PAPSS2: variants seen among roughly 807,000 people sequenced by gnomAD.
PAPSS2 encodes the protein bifunctional 3'-phosphoadenosine 5'-phosphosulfate synthase 2.
Under a neutral mutation model 66.5 loss-of-function variants are expected in PAPSS2, and 61 were observed. The observed-to-expected ratio is 0.92, with a 90% CI of 0.75 to 1.14. PAPSS2 has a LOEUF of 1.14. Ranked by LOEUF, PAPSS2 falls within the 50% of genes most tolerant of loss-of-function variation. The pLI is 0.00. For missense variants in PAPSS2, 708 were observed against 789.6 expected, an observed-to-expected ratio of 0.90 and a Z score of 1.24; for synonymous variants, 289 against 287.5, an observed-to-expected ratio of 1.01 and a Z score of -0.05.
intron 1 of PAPSS2, among the ~76,000 whole-genome samples, 191 bp downstream of exon 1, chr10:87,660,199 C>T (rs914855666): frequency 2.0e-5 from 3 of 152,154 alleles, no homozygotes; most frequent in African/African-American, 4.8e-5. Flanking sequence ...CCTCGCCCCG[C>T]AGCCCCTCTC....
intron 1 of PAPSS2, among the ~76,000 whole-genome samples, chr10:87,687,900 A>T (rs1853108493): frequency 6.6e-6 from 1 of 152,236 alleles, no homozygotes; most frequent in Non-Finnish European, 1.5e-5. Context: ...CCATAGTTTT[A>T]TCTGGATTTG....
Position 87,741,313 on chromosome 10 carries a change from G to A in PAPSS2, c.1165G>A (p.Asp389Asn). ...LEKIRWNDGLDQYRLTPLELK... is the reference protein window; with the variant it reads ...LEKIRWNDGLNQYRLTPLELK... ...GAAAATAAGATGGAATGATGGGCTG[G>A]ACCAATACCGTCTGACACCTCTGGA... Residue 389 changes from aspartate (D) to asparagine (N), a missense_variant, in exon 10 of 13, where the codon GAC becomes AAC. Transcript: ENST00000456849. 4 of 1,613,754 alleles carry A rather than the reference G, an allele frequency of 2.5e-6. No individual in the cohort carries two copies. The highest frequency in any genetic ancestry group is 3.4e-6 in the Non-Finnish European group (4 of 1,179,642).
intron 3 of PAPSS2, 24 bp downstream of exon 3, chr10:87,713,334 A>G (rs987136270): frequency 1.1e-5 from 13 of 1,180,854 alleles, no homozygotes; most frequent in Middle Eastern, 2.3e-4. Flanking sequence ...AAAAAAAAAA[A>G]GGCACTACAC....
At chr10:87,665,773 G>A (rs993058961) in intron 1 of PAPSS2, among the ~76,000 whole-genome samples, 1 of 152,002 alleles carries the variant, frequency 6.6e-6, no homozygotes, top group African/African-American at 2.4e-5. Flanking sequence ...TGGGTTCTGG[G>A]CTTTAATTTC....
chr10:87,737,069 G>C (rs897674985), intron 9 of PAPSS2, among the ~76,000 whole-genome samples: 1 of 152,096 alleles, frequency 6.6e-6, no homozygotes. Context: ...GAGTTGATTG[G>C]GCAGGAAATT....
chr10:87,661,497 CT>C, intron 1 of PAPSS2, among the ~76,000 whole-genome samples: 1 of 152,306 alleles, frequency 6.6e-6, no homozygotes, highest in Non-Finnish European at 1.5e-5. Flanking sequence ...GTGCCAGTAG[CT>C]TTTTATATCA....
chr10:87,743,718 C>T (rs975809002), intron 11 of PAPSS2, 77 bp downstream of exon 11: 3 of 1,519,450 alleles, frequency 2.0e-6, no homozygotes, highest in Non-Finnish European at 2.7e-6. Flanking sequence ...AAATGAGTCT[C>T]TGGGATCCTT....
intron 1 of PAPSS2, among the ~76,000 whole-genome samples, chr10:87,666,097 G>A (rs1852813440): frequency 6.6e-6 from 1 of 151,712 alleles, no homozygotes; most frequent in Non-Finnish European, 1.5e-5. Context: ...CCTAGTAGCT[G>A]GGGTTACAGG....
At chr10:87,698,340 T>G (rs1363361668) in intron 1 of PAPSS2, among the ~76,000 whole-genome samples, 1 of 152,196 alleles carries the variant, frequency 6.6e-6, no homozygotes, top group Non-Finnish European at 1.5e-5. Context: ...AATTCTACTA[T>G]AGCTTTTTTT....
At chr10:87,733,927 G>C (rs908234502) in intron 9 of PAPSS2, among the ~76,000 whole-genome samples, 1 of 151,544 alleles carries the variant, frequency 6.6e-6, no homozygotes, top group Admixed American at 6.6e-5. Flanking sequence ...TGCCATTCTT[G>C]CTTCTCTCTT....
chr10:87,709,325 TC>T lies in PAPSS2; in HGVS notation c.145+13del. On this transcript the variant is annotated intron_variant, in intron 2 of 12. Coordinates refer to ENST00000456849, the MANE Select transcript of PAPSS2 (RefSeq NM_001015880.2). ...CGTGTGGCTAACAGGTATGTCATGTTCATATATATATATATATATACAAATT... is the reference window on the plus strand; with the variant it reads ...CGTGTGGCTAACAGGTATGTCATGTTATATATATATATATATATACAAATT... The T allele has an allele frequency of 3.7e-6, 5 of 1,361,748 alleles. No homozygotes were observed. Among genetic ancestry groups the T allele is most frequent in the South Asian group, 2.4e-5 (2 of 84,978 alleles). The allele number at this position is 1,361,748 out of a possible 1,614,324, so 84.4% of individuals were successfully genotyped here.
At chr10:87,690,771 T>G (rs1853162609) in intron 1 of PAPSS2, among the ~76,000 whole-genome samples, 1 of 152,198 alleles carries the variant, frequency 6.6e-6, no homozygotes, top group South Asian at 2.1e-4. Context: ...CCAGACCCTG[T>G]GCTTTTATGT....
At chr10:87,703,849 G>A (rs1404230129) in intron 1 of PAPSS2, 2 of 517,188 alleles carry the variant, frequency 3.9e-6, no homozygotes, top group Non-Finnish European at 7.7e-6. Flanking sequence ...TTCCTGATAA[G>A]GGGCAGAGTT....
At chr10:87,727,165 T>G in intron 8 of PAPSS2, 119 bp from the exon 9 acceptor site, 1 of 830,816 alleles carries the variant, frequency 1.2e-6, no homozygotes, top group Non-Finnish European at 2.0e-6. Context: ...TACTTGGATT[T>G]GGGTCTTAAT....
intron 7 of PAPSS2, among the ~76,000 whole-genome samples, chr10:87,718,038 T>G (rs1312466027): frequency 6.6e-6 from 1 of 150,780 alleles, no homozygotes; most frequent in African/African-American, 2.4e-5. Context: ...TTTCTTTTCT[T>G]TTTTTTCTTT....
chr10:87,712,618 G>C (rs182379938), intron 2 of PAPSS2, among the ~76,000 whole-genome samples: 18 of 152,146 alleles, frequency 1.2e-4, no homozygotes, highest in Non-Finnish European at 1.8e-4. Context: ...ACCACACCCG[G>C]CTAATTTTTT....
At chr10:87,719,720 G>GC (rs1853572410) in intron 7 of PAPSS2, among the ~76,000 whole-genome samples, 2 of 152,082 alleles carry the variant, frequency 1.3e-5, no homozygotes, top group Non-Finnish European at 2.9e-5. Flanking sequence ...TACACTGAGT[G>GC]CCCCCCATGT....
At chr10:87,678,704 A>G (rs1436869551) in intron 1 of PAPSS2, among the ~76,000 whole-genome samples, 1 of 152,216 alleles carries the variant, frequency 6.6e-6, no homozygotes, top group African/African-American at 2.4e-5. Flanking sequence ...ACTAATTGTC[A>G]GGAAAATTCA....
chr10:87,661,131 G>T, intron 1 of PAPSS2: 1 of 374,980 alleles, frequency 2.7e-6, no homozygotes, highest in South Asian at 1.7e-5. Flanking sequence ...TGGTGGGCCG[G>T]GGAGAGGTTT....
Sources: gnomAD v4.1 joint callset for allele counts (sites outside exome capture counted in the v4.1 genomes callset) on GRCh38, gnomAD v4.1.1 for gene constraint, MANE v1.5 for transcripts, NCBI Gene and HGNC (gene_info 2026-07-23, HGNC 2026-07-21) for gene names.